The following TMEM144 variants were observed in gnomAD, a reference collection of about 807,000 sequenced individuals.
TMEM144 encodes the protein transmembrane protein 144.
A neutral mutation model predicts 43.6 loss-of-function variants in TMEM144; 39 were observed. The ratio of observed to expected loss-of-function variants is 0.90; its 90% CI spans 0.69 to 1.17. The LOEUF (loss-of-function observed/expected upper bound fraction) is 1.17, where lower values mean the gene tolerates loss of function less well. TMEM144 is among the 50% of genes most tolerant of loss of function. The probability of loss-of-function intolerance (pLI) is 0.00; values close to 1 mark genes in which losing one functional copy is unlikely to be tolerated. For synonymous variants in TMEM144, 154 were observed against 133.6 expected (o/e 1.15, Z -1.06); for missense variants, 417 against 411.9 (o/e 1.01, Z -0.11).
intron 7 of TMEM144, chr4:158,233,366 G>C (rs891992795): frequency 5.2e-5 from 8 of 153,822 alleles, no homozygotes; most frequent in African/African-American, 1.9e-4. Flanking sequence ...GACCATAGGA[G>C]GCCAAGAAAG....
At chr4:158,232,740 G>C (rs1735142936) in intron 6 of TMEM144, among the ~76,000 whole-genome samples, 161 bp from the exon 7 acceptor site, 1 of 152,184 alleles carries the variant, frequency 6.6e-6, no homozygotes, top group Non-Finnish European at 1.5e-5. Flanking sequence ...GAGAATAGGA[G>C]TTCTGGCAAA....
At chr4:158,242,673 A>AAAAG (rs888637604) in intron 11 of TMEM144, among the ~76,000 whole-genome samples, 5 of 152,292 alleles carry the variant, frequency 3.3e-5, no homozygotes, top group Non-Finnish European at 4.4e-5. Flanking sequence ...AAGCTAAAAA[A>AAAAG]AAAGAAAGAA....
At chr4:158,248,495 T>C (rs896197284) in intron 12 of TMEM144, among the ~76,000 whole-genome samples, 2 of 152,128 alleles carry the variant, frequency 1.3e-5, no homozygotes, top group Non-Finnish European at 2.9e-5. Flanking sequence ...TTAACAGATG[T>C]CCAATGGTAC....
chr4:158,214,197 C>T (rs1204792608), intron 3 of TMEM144, among the ~76,000 whole-genome samples: 3 of 151,984 alleles, frequency 2.0e-5, no homozygotes, highest in Non-Finnish European at 4.4e-5. Context: ...CTACCACACC[C>T]GGCTAATTTC....
chr4:158,252,004 C>T (rs1362622546), intron 12 of TMEM144, among the ~76,000 whole-genome samples: 1 of 152,102 alleles, frequency 6.6e-6, no homozygotes, highest in Non-Finnish European at 1.5e-5. Context: ...AGCTTGAAAC[C>T]ATTCCATATG....
At chr4:158,244,650 A>G (rs1452467728) in intron 12 of TMEM144, among the ~76,000 whole-genome samples, 1 of 152,182 alleles carries the variant, frequency 6.6e-6, no homozygotes, top group African/African-American at 2.4e-5. Flanking sequence ...AGTCTGGGCA[A>G]AAGAGCGAGA....
chr4:158,213,804 T>C (rs2111098956), intron 3 of TMEM144: 1 of 152,274 alleles, frequency 6.6e-6, no homozygotes, highest in South Asian at 2.1e-4. Flanking sequence ...TTACCTCCTA[T>C]TTTCCTCCAG....
chr4:158,226,875 CG>C (rs1378956081), intron 6 of TMEM144, among the ~76,000 whole-genome samples: 7 of 152,076 alleles, frequency 4.6e-5, no homozygotes, highest in Non-Finnish European at 7.4e-5. Flanking sequence ...ACATAAATCC[CG>C]CCCCCCCTTT....
rs551661367 is a variant in TMEM144 at position 158,212,599 on chromosome 4, T to C, written c.-60-9T>C. ...CGTCTCAATTGTTTCATTTTTTCTTTTATTTCAGAAGCTCCTGAAAAGTAC... is the reference window on the plus strand; with the variant it reads ...CGTCTCAATTGTTTCATTTTTTCTTCTATTTCAGAAGCTCCTGAAAAGTAC... On this transcript the variant is annotated splice_polypyrimidine_tract_variant and intron_variant, in intron 2 of 12. Coordinates refer to ENST00000296529, the MANE Select transcript of TMEM144 (RefSeq NM_018342.5). 9.3e-4 allele frequency: 1,073 copies of C among 1,148,100 alleles called. 3 individuals are homozygous for C. The highest frequency in any genetic ancestry group is 1.2e-3 in the Non-Finnish European group (989 of 801,530). 71.1% of individuals were successfully genotyped at this position (1,148,100 alleles called of 1,614,324 possible). A position where few individuals can be genotyped will look rare whatever the true frequency, so the allele number is the denominator to read the frequency against.
chr4:158,246,922 A>C (rs536060236), intron 12 of TMEM144, among the ~76,000 whole-genome samples: 2 of 152,114 alleles, frequency 1.3e-5, no homozygotes. Flanking sequence ...TTAACTACAT[A>C]TAAGAACCCT....
chr4:158,218,140 T>C (rs1560821582), intron 5 of TMEM144, among the ~76,000 whole-genome samples: 2 of 152,176 alleles, frequency 1.3e-5, no homozygotes, highest in Non-Finnish European at 2.9e-5. Context: ...GCCATTTATA[T>C]TTAAATTTAA....
rs1392034804 is a variant in TMEM144 at position 158,244,283 on chromosome 4, A to C, written c.901-13A>C. ...AATATCCAATTTAATTAAAATTTAT[A>C]TTTTTATTTAAGGGTCCAGGATTTA... On this transcript the variant is annotated splice_polypyrimidine_tract_variant and intron_variant, in intron 11 of 12. Transcript: ENST00000296529. 6 of 1,565,446 alleles carry C rather than the reference A, an allele frequency of 3.8e-6. No homozygotes were observed. Among genetic ancestry groups the C allele is most frequent in the Non-Finnish European group, 3.5e-6 (4 of 1,150,434 alleles).
At chr4:158,218,869 A>G (rs971889117) in intron 5 of TMEM144, among the ~76,000 whole-genome samples, 3 of 152,160 alleles carry the variant, frequency 2.0e-5, no homozygotes, top group African/African-American at 7.2e-5. Context: ...GCTAACGCCT[A>G]TAATCTCAGC....
chr4:158,215,460 A>G (rs545064202), intron 4 of TMEM144, 147 bp downstream of exon 4: 7 of 988,398 alleles, frequency 7.1e-6, no homozygotes, highest in African/African-American at 1.6e-5. Context: ...TTGCCTTCAC[A>G]TGCTCAATGA....
chr4:158,238,349 G>A (rs542384498), intron 9 of TMEM144, among the ~76,000 whole-genome samples: 6 of 152,270 alleles, frequency 3.9e-5, no homozygotes, highest in East Asian at 1.9e-4. Context: ...GGCAAAAGTC[G>A]TGAGGGAAAG....
Position 158,255,299 on chromosome 4 carries a change from T to G in TMEM144, c.*1772T>G, listed in dbSNP as rs967449011. ...TGATACAAAAGCTATTTTTCTCATT[T>G]AAATATATTTTAGAATTTTATATTG... On this transcript the variant is annotated 3_prime_UTR_variant, in exon 13 of 13. Transcript: ENST00000296529. The G allele has an allele frequency of 2.0e-5, 3 of 151,850 alleles. No individual in the cohort carries two copies. The highest frequency in any genetic ancestry group is 7.2e-5 in the African/African-American group (3 of 41,420). 9.4% of individuals were successfully genotyped at this position (151,850 alleles called of 1,614,324 possible).
At chr4:158,210,916 T>C (rs1472957650) in intron 1 of TMEM144, 1 of 146,832 alleles carries the variant, frequency 6.8e-6, no homozygotes, top group East Asian at 1.9e-4. Flanking sequence ...ACAAAAGTAA[T>C]AAAATAAAAA....
At chr4:158,240,544 G>A in intron 10 of TMEM144, 126 bp downstream of exon 10, 1 of 882,556 alleles carries the variant, frequency 1.1e-6, no homozygotes, top group Non-Finnish European at 1.6e-6. Context: ...TGTGTGTTGT[G>A]TGTGTGTGTG....
intron 9 of TMEM144, among the ~76,000 whole-genome samples, chr4:158,238,544 G>T (rs180889713): frequency 1.4e-3 from 210 of 152,072 alleles, no homozygotes; most frequent in African/African-American, 4.8e-3. Context: ...CAAAAAGATA[G>T]AAATTAATAA....
Sources: gnomAD v4.1 joint callset for allele counts (sites outside exome capture counted in the v4.1 genomes callset) on GRCh38, gnomAD v4.1.1 for gene constraint, MANE v1.5 for transcripts, NCBI Gene and HGNC (gene_info 2026-07-23, HGNC 2026-07-21) for gene names.